The following PCDH10 variants were observed in gnomAD, a reference collection of about 807,000 sequenced individuals.
The protein encoded by PCDH10 is protocadherin-10.
A neutral mutation model predicts 74.4 loss-of-function variants in PCDH10; 15 were observed. That is an observed-to-expected ratio of 0.20 (90% confidence interval 0.13 to 0.31). The LOEUF (loss-of-function observed/expected upper bound fraction) is 0.31. Ranked by LOEUF, PCDH10 falls within the 10% of genes least tolerant of loss-of-function variation. The probability of loss-of-function intolerance (pLI) is 1.00; values close to 1 mark genes in which losing one functional copy is unlikely to be tolerated. For missense variants in PCDH10, 1,260 were observed against 1,390.2 expected (o/e 0.91, Z 1.49); for synonymous variants, 619 against 589.8 (o/e 1.05, Z -0.72).
downstream of PCDH10, among the ~76,000 whole-genome samples, chr4:133,198,265 A>T (rs1364329498): frequency 6.6e-6 from 1 of 152,104 alleles, no homozygotes; most frequent in Non-Finnish European, 1.5e-5. Flanking sequence ...AAAAAACAAC[A>T]CAATGGTTGC....
intron 2 of PCDH10, chr4:133,207,996 G>A (rs528464552): frequency 5.3e-5 from 8 of 152,280 alleles, no homozygotes; most frequent in Non-Finnish European, 8.8e-5. Flanking sequence ...CACACTTGAC[G>A]TTAGGGTATC....
Position 133,191,165 on chromosome 4 carries a change from T to C in PCDH10, c.*1005T>C, listed in dbSNP as rs1727660046. The C allele has an allele frequency of 1.3e-5, 2 of 152,518 alleles. No individual in the cohort carries two copies. The highest frequency in any genetic ancestry group is 4.8e-5 in the African/African-American group (2 of 41,570). 9.4% of individuals were successfully genotyped at this position (152,518 alleles called of 1,614,324 possible). A position where few individuals can be genotyped will look rare whatever the true frequency, so the allele number is the denominator to read the frequency against. On this transcript the variant is annotated 3_prime_UTR_variant, in exon 5 of 5. Coordinates refer to ENST00000264360, the MANE Select transcript of PCDH10 (RefSeq NM_032961.3). ...AATCGATAAATTCACCTGTATTTGTTGTTAGAAAAAAACTGGGTGTCTGTA... is the reference window on the plus strand; with the variant it reads ...AATCGATAAATTCACCTGTATTTGTCGTTAGAAAAAAACTGGGTGTCTGTA...
rs1160547031 is a variant in PCDH10 at position 133,190,344 on chromosome 4, A to G, written c.*184A>G. ...TTGCTCTCAGCAGGCCTGAGAAATG[A>G]GTTGAAATGTGCAGAACTGTAGAAA... On this transcript the variant is annotated 3_prime_UTR_variant, in exon 5 of 5. Coordinates refer to ENST00000264360, the MANE Select transcript of PCDH10 (RefSeq NM_032961.3). The G allele has an allele frequency of 1.6e-6, 1 of 631,528 alleles. No individual in the cohort carries two copies. The highest frequency in any genetic ancestry group is 2.7e-5 in the East Asian group (1 of 36,464). The allele number at this position is 631,528 out of a possible 1,614,324, so 39.1% of individuals were successfully genotyped here.
At chr4:133,170,764 C>T (rs1235780683) in intron 4 of PCDH10, among the ~76,000 whole-genome samples, 1 of 152,092 alleles carries the variant, frequency 6.6e-6, no homozygotes, top group African/African-American at 2.4e-5. Context: ...GCGATCTTGG[C>T]TCACTGCCAC....
intron 3 of PCDH10, among the ~76,000 whole-genome samples, chr4:133,160,632 C>T (rs1324133440): frequency 2.0e-5 from 3 of 149,540 alleles, no homozygotes; most frequent in Non-Finnish European, 4.4e-5. Context: ...TGTTGACATA[C>T]TAGATTATTA....
intron 4 of PCDH10, among the ~76,000 whole-genome samples, chr4:133,185,812 G>A (rs1290493891): frequency 1.3e-5 from 2 of 151,868 alleles, no homozygotes; most frequent in South Asian, 2.1e-4. Flanking sequence ...TAGTTTCTGC[G>A]GTTTATACAA....
chr4:133,205,039 A>C (rs377212252), intron 2 of PCDH10, among the ~76,000 whole-genome samples: 8 of 152,208 alleles, frequency 5.3e-5, no homozygotes, highest in East Asian at 1.9e-4. Flanking sequence ...TTAGCAGGGA[A>C]CTGAAACCCA....
Position 133,152,369 on chromosome 4 carries a change from G to C in PCDH10, c.2229G>C (p.Glu743Asp). The stretch of plus-strand genomic sequence containing the variant: ...TGCTGGCCGTGCGTTGCCAAAAAGA[G>C]AAGAAGCTCAACATCTATACTTGTC... ...MIVLAVRCQK[E>D]KKLNIYTCLA... The change falls in exon 1 of 5, where the codon GAG (glutamate) becomes GAC (aspartate). Residue 743 changes from glutamate to aspartate, a missense_variant. Coordinates refer to ENST00000264360, the MANE Select transcript of PCDH10 (RefSeq NM_032961.3). 6.2e-7 allele frequency: 1 copy of C among 1,614,226 alleles called. No individual in the cohort carries two copies. The highest frequency in any genetic ancestry group is 1.1e-5 in the South Asian group (1 of 91,088).
chr4:133,178,410 A>G (rs185524565), intron 4 of PCDH10, among the ~76,000 whole-genome samples: 16 of 151,740 alleles, frequency 1.1e-4, no homozygotes, highest in Admixed American at 9.2e-4. Flanking sequence ...CTAATTTTGT[A>G]TATTTAGTAG....
chr4:133,164,505 A>G lies in PCDH10; in HGVS notation c.3103+1223A>G, dbSNP rs1404006077. ...TTAATCATTTCAAGGCAAAAAGTGA[A>G]GGGTATATGATTCAGATTAATAAAA... On this transcript the variant is annotated intron_variant, in intron 4 of 4. Coordinates refer to ENST00000264360, the MANE Select transcript of PCDH10 (RefSeq NM_032961.3). Among the ~76,000 whole-genome samples the G allele has an allele frequency of 7.9e-5, 12 of 152,008 alleles. No individual in the cohort carries two copies. In the South Asian group the frequency reaches 2.3e-3, roughly 29 times the overall value.
chr4:133,157,860 C>T (rs192578022), intron 3 of PCDH10, among the ~76,000 whole-genome samples: 4 of 152,052 alleles, frequency 2.6e-5, no homozygotes, highest in African/African-American at 7.2e-5. Flanking sequence ...AGCCATTTGC[C>T]GTCACCAATG....
intron 2 of PCDH10, among the ~76,000 whole-genome samples, chr4:133,204,744 C>T (rs550149568): frequency 1.3e-5 from 2 of 152,120 alleles, no homozygotes; most frequent in Non-Finnish European, 2.9e-5. Flanking sequence ...TTTTACTTGC[C>T]TCCTATTCAC....
chr4:133,181,221 CA>C (rs1275320155), intron 4 of PCDH10, among the ~76,000 whole-genome samples: 1 of 151,646 alleles, frequency 6.6e-6, no homozygotes, highest in Non-Finnish European at 1.5e-5. Flanking sequence ...ATTTAAATAA[CA>C]GTTAAGATTA....
Position 133,190,464 on chromosome 4 carries a change from A to C in PCDH10, c.*304A>C. The C allele has an allele frequency of 2.9e-6, 1 of 345,872 alleles. No individual in the cohort carries two copies. Among genetic ancestry groups the C allele is most frequent in the Non-Finnish European group, 5.2e-6 (1 of 190,606 alleles). The allele number at this position is 345,872 out of a possible 1,614,324, so 21.4% of individuals were successfully genotyped here. A position where few individuals can be genotyped will look rare whatever the true frequency, so the allele number is the denominator to read the frequency against. On this transcript the variant is annotated 3_prime_UTR_variant, in exon 5 of 5. Transcript: ENST00000264360. ...CTCCAAATGTCACTGAGCCCTTTAG[A>C]TGTTTATATTCACCACGAGAAGCCA...
At chr4:133,199,031 C>T (rs1454974833), downstream of PCDH10, among the ~76,000 whole-genome samples, 1 of 152,046 alleles carries the variant, frequency 6.6e-6, no homozygotes, top group East Asian at 1.9e-4. Flanking sequence ...TAATTAATCC[C>T]AGCACTTTAG....
chr4:133,186,204 A>C (rs1287181492), intron 4 of PCDH10, among the ~76,000 whole-genome samples: 1 of 152,114 alleles, frequency 6.6e-6, no homozygotes, highest in East Asian at 1.9e-4. Flanking sequence ...ATACTTGAGA[A>C]TCTCTTTTCC....
chr4:133,153,267 G>A, intron 1 of PCDH10: 1 of 1,009,302 alleles, frequency 9.9e-7, no homozygotes, highest in African/African-American at 1.7e-5. Context: ...GTCTAACCTC[G>A]AATTCATGTT....
In PCDH10 at chr4:133,162,926, C is replaced by G. The variant is rs371837581; in HGVS notation, c.2798-51C>G. 10 of 1,454,324 alleles carry G rather than the reference C, an allele frequency of 6.9e-6. No individual in the cohort carries two copies. In the African/African-American group the frequency reaches 1.4e-4, roughly 20 times the overall value. 90.1% of individuals were successfully genotyped at this position (1,454,324 alleles called of 1,614,324 possible). On this transcript the variant is annotated intron_variant, in intron 3 of 4. Coordinates refer to ENST00000264360, the MANE Select transcript of PCDH10 (RefSeq NM_032961.3). Reference sequence around the variant, plus strand: ...CCTGTAATCTTACACTGCTAAGTAACTGGTCATGTTGGTGAAGACTACATC... The same window carrying G: ...CCTGTAATCTTACACTGCTAAGTAAGTGGTCATGTTGGTGAAGACTACATC...
chr4:133,154,749 T>G, intron 2 of PCDH10, 168 bp from the exon 3 acceptor site: 1 of 592,732 alleles, frequency 1.7e-6, no homozygotes. Flanking sequence ...TAATCGATCA[T>G]TTTTAAATAG....
Sources: gnomAD v4.1 joint callset for allele counts (sites outside exome capture counted in the v4.1 genomes callset) on GRCh38, gnomAD v4.1.1 for gene constraint, MANE v1.5 for transcripts, NCBI Gene and HGNC (gene_info 2026-07-23, HGNC 2026-07-21) for gene names.